Variants in HELB observed in about 807,000 individuals in gnomAD.
HELB encodes the protein DNA 5'-3' helicase B.
A neutral mutation model predicts 101.7 loss-of-function variants in HELB; 96 were observed. The observed-to-expected ratio is 0.94, with a 90% confidence interval of 0.80 to 1.12. HELB has a LOEUF of 1.12. Ranked by LOEUF, HELB falls within the 50% of genes most tolerant of loss-of-function variation. The probability of loss-of-function intolerance (pLI) is 0.00; values close to 1 mark genes in which losing one functional copy is unlikely to be tolerated. For synonymous variants in HELB, 437 were observed against 459.7 expected, an observed-to-expected ratio of 0.95 and a Z score of 0.63; for missense variants, 1,210 against 1,291.9, an observed-to-expected ratio of 0.94 and a Z score of 0.97.
intron 1 of HELB, among the ~76,000 whole-genome samples, chr12:66,303,782 C>T (rs2136983704): frequency 6.6e-6 from 1 of 152,300 alleles, no homozygotes; most frequent in Non-Finnish European, 1.5e-5. Flanking sequence ...GTTTCCTGTG[C>T]TATAAGTTAT....
chr12:66,327,162 C>T (rs1444812208), intron 11 of HELB, among the ~76,000 whole-genome samples: 2 of 149,974 alleles, frequency 1.3e-5, no homozygotes, highest in South Asian at 2.1e-4. Flanking sequence ...TGCAGCCATG[C>T]CCGCTTCCCT....
chr12:66,304,388 A>G (rs2053447034), intron 1 of HELB, among the ~76,000 whole-genome samples: 1 of 152,248 alleles, frequency 6.6e-6, no homozygotes, highest in Non-Finnish European at 1.5e-5. Flanking sequence ...GGGCCATGGC[A>G]TTTTAAAGAA....
intron 6 of HELB, among the ~76,000 whole-genome samples, chr12:66,317,923 A>G (rs1298360197): frequency 6.6e-6 from 1 of 152,184 alleles, no homozygotes; most frequent in African/African-American, 2.4e-5. Flanking sequence ...GGCTGCTGTT[A>G]GTTCTGTTCG....
intron 5 of HELB, 83 bp downstream of exon 5, chr12:66,314,246 T>C: frequency 8.3e-7 from 1 of 1,206,140 alleles, no homozygotes; most frequent in Non-Finnish European, 1.2e-6. Context: ...TAGTTGGTTG[T>C]TTACACCAGA....
At chr12:66,333,503 G>A (rs569100670) in intron 12 of HELB, among the ~76,000 whole-genome samples, 83 of 152,134 alleles carry the variant, frequency 5.5e-4, no homozygotes, top group African/African-American at 1.9e-3. Context: ...TGGCCAACAT[G>A]GTGAAACCCC....
At chr12:66,322,591 G>T in intron 8 of HELB, 133 bp from the exon 9 acceptor site, 2 of 494,464 alleles carry the variant, frequency 4.0e-6, no homozygotes, top group Non-Finnish European at 7.2e-6. Flanking sequence ...AAGATAAAAA[G>T]TAGAAAAATA....
intron 12 of HELB, among the ~76,000 whole-genome samples, chr12:66,335,403 A>C (rs956421849): frequency 6.6e-6 from 1 of 152,124 alleles, no homozygotes; most frequent in African/African-American, 2.4e-5. Context: ...GTGAGATAGA[A>C]GGAAAACCAG....
chr12:66,315,130 A>G, intron 5 of HELB, 112 bp from the exon 6 acceptor site: 1 of 657,364 alleles, frequency 1.5e-6, no homozygotes, highest in Non-Finnish European at 2.3e-6. Context: ...TTTACTGTTT[A>G]AATGTTGTTT....
chr12:66,338,117 G>A lies in HELB; in HGVS notation c.*15G>A, dbSNP rs777363222. 45 of 1,356,124 alleles carry A rather than the reference G, an allele frequency of 3.3e-5. No individual in the cohort carries two copies. The East Asian group carries it at 9.9e-4, about 30-fold the overall frequency. The allele number at this position is 1,356,124 out of a possible 1,614,324, so 84.0% of individuals were successfully genotyped here. A position where few individuals can be genotyped will look rare whatever the true frequency, so the allele number is the denominator to read the frequency against. On this transcript the variant is annotated 3_prime_UTR_variant, in exon 13 of 13. Coordinates refer to ENST00000247815, the MANE Select transcript of HELB (RefSeq NM_001370285.1). ...AAGAAACTTAGTTTTATTTCAAATT[G>A]TTCCGAGTAACTATGTTTTTCTATT...
At chr12:66,316,892 G>C (rs11176141) in intron 6 of HELB, among the ~76,000 whole-genome samples, 2 of 151,728 alleles carry the variant, frequency 1.3e-5, no homozygotes, top group South Asian at 2.1e-4. Context: ...GGTGGCGGGC[G>C]CCTGTAGTCC....
At chr12:66,304,215 A>G (rs750982877) in intron 1 of HELB, among the ~76,000 whole-genome samples, 1 of 152,244 alleles carries the variant, frequency 6.6e-6, no homozygotes, top group Admixed American at 6.5e-5. Flanking sequence ...CTATAATGTT[A>G]CTAAATGCTT....
chr12:66,308,114 T>C (rs2053499337), intron 3 of HELB, among the ~76,000 whole-genome samples: 1 of 151,526 alleles, frequency 6.6e-6, no homozygotes, highest in South Asian at 2.1e-4. Context: ...CTGGATTAAG[T>C]GAACCCCTGT....
chr12:66,309,464 C>T (rs903104346), intron 3 of HELB, among the ~76,000 whole-genome samples: 3 of 151,762 alleles, frequency 2.0e-5, no homozygotes, highest in Non-Finnish European at 2.9e-5. Context: ...TTTTGATAAG[C>T]CTTATAGTAT....
intron 1 of HELB, among the ~76,000 whole-genome samples, 196 bp downstream of exon 1, chr12:66,302,986 T>C (rs35782768): frequency 8.1e-6 from 1 of 124,098 alleles, no homozygotes; most frequent in Non-Finnish European, 1.7e-5. Flanking sequence ...TACTATGTGG[T>C]TTTTTTTTTT....
In HELB at chr12:66,302,705, G is replaced by A; in HGVS notation, c.102G>A (p.Glu34=). Reference sequence around the variant, plus strand: ...ACGACTACCTAAACGACGACGTGGAGGAGGATGAAGAGTCCGTGTTCATCG... The same window carrying A: ...ACGACTACCTAAACGACGACGTGGAAGAGGATGAAGAGTCCGTGTTCATCG... ...EDDDYLNDDV[E]EDEESVFIDA... Residue 34 remains glutamate (E), a synonymous_variant, in exon 1 of 13, where the codon GAG becomes GAA. Coordinates refer to ENST00000247815, the MANE Select transcript of HELB (RefSeq NM_001370285.1). The A allele has an allele frequency of 1.2e-6, 2 of 1,614,170 alleles. No homozygotes were observed. Among genetic ancestry groups the A allele is most frequent in the Non-Finnish European group, 1.7e-6 (2 of 1,179,990 alleles).
At chr12:66,339,996 T>C (rs1276902059), downstream of HELB, 1 of 152,258 alleles carries the variant, frequency 6.6e-6, no homozygotes, top group Non-Finnish European at 1.5e-5. Context: ...TAAAGGATAT[T>C]GAATTTGTCC....
chr12:66,325,767 T>C (rs993844922), intron 11 of HELB, among the ~76,000 whole-genome samples: 1 of 152,212 alleles, frequency 6.6e-6, no homozygotes, highest in Non-Finnish European at 1.5e-5. Flanking sequence ...CCTTATCAAC[T>C]TTGTGGGGTA....
rs2053526367 is a variant in HELB, at chr12:66,310,229, A to G, written c.1301A>G (p.Asn434Ser). 1.2e-6 allele frequency: 2 copies of G among 1,614,164 alleles called. No homozygotes were observed. The highest frequency in any genetic ancestry group is 1.3e-5 in the African/African-American group (1 of 75,062). Reference sequence around the variant, plus strand: ...GACCATATTTGGACTAATGGTGAAAATGAAATTAATGCAGAAATAAGTGAA... The same window carrying G: ...GACCATATTTGGACTAATGGTGAAAGTGAAATTAATGCAGAAATAAGTGAA... ...NGDHIWTNGE[N>S]EINAEISEVQ... Residue 434 changes from asparagine (N) to serine (S), a missense_variant, in exon 4 of 13, where the codon AAT (asparagine) becomes AGT (serine). By Grantham distance (46) the Asn-to-Ser change is conservative (BLOSUM62 1). Transcript: ENST00000247815.
At position 66,318,629 on chromosome 12, in the gene HELB, T is replaced by C; in HGVS notation, c.2001-9T>C. On this transcript the variant is annotated splice_polypyrimidine_tract_variant and intron_variant, in intron 6 of 12. Transcript: ENST00000247815. Reference sequence around the variant, plus strand: ...TGTTCTTTGTGTGTGTGTGTTATCTTTATTCAAGAATCTCAAGACGCCAAT... The same window carrying C: ...TGTTCTTTGTGTGTGTGTGTTATCTCTATTCAAGAATCTCAAGACGCCAAT... The C allele has an allele frequency of 6.3e-7, 1 of 1,593,418 alleles. No individual in the cohort carries two copies. The highest frequency in any genetic ancestry group is 2.2e-5 in the East Asian group (1 of 44,462).
Sources: allele counts gnomAD v4.1 joint callset (sites outside exome capture counted in the v4.1 genomes callset), GRCh38; gene constraint gnomAD v4.1.1; transcripts MANE v1.5; gene names NCBI Gene and HGNC (gene_info 2026-07-23, HGNC 2026-07-21).